NCAM1: variants seen among roughly 807,000 people sequenced by gnomAD.
The protein encoded by NCAM1 is neural cell adhesion molecule 1.
A neutral mutation model predicts 109.8 loss-of-function variants in NCAM1; 14 were observed. The ratio of observed to expected loss-of-function variants is 0.13; its 90% CI spans 0.08 to 0.20. The LOEUF (loss-of-function observed/expected upper bound fraction) is 0.20. Among genes scored for constraint, NCAM1 ranks in the 10% least tolerant of loss-of-function variants. NCAM1 has a pLI of 1.00. For missense variants in NCAM1, 774 were observed against 1,109.9 expected, an observed-to-expected ratio of 0.70 and a Z score of 4.30; for synonymous variants, 418 against 442.9, an observed-to-expected ratio of 0.94 and a Z score of 0.70.
intron 1 of NCAM1, among the ~76,000 whole-genome samples, chr11:112,984,433 A>G (rs1346917966): frequency 6.6e-6 from 1 of 151,864 alleles, no homozygotes; most frequent in Non-Finnish European, 1.5e-5. Flanking sequence ...TCTGGGTCAT[A>G]TAGTAGTTCT....
intron 16 of NCAM1, among the ~76,000 whole-genome samples, chr11:113,257,677 C>A (rs375809071): frequency 2.0e-5 from 3 of 152,176 alleles, no homozygotes; most frequent in Non-Finnish European, 2.9e-5. Flanking sequence ...CCGTAACCAC[C>A]CTCTCTCACT....
chr11:112,993,512 T>G (rs1438225547), intron 1 of NCAM1, among the ~76,000 whole-genome samples: 2 of 152,218 alleles, frequency 1.3e-5, no homozygotes, highest in East Asian at 3.8e-4. Flanking sequence ...AGTTGTCAAC[T>G]GTAGATGATG....
chr11:113,079,626 A>G (rs1158823745), intron 1 of NCAM1, among the ~76,000 whole-genome samples: 1 of 152,222 alleles, frequency 6.6e-6, no homozygotes, highest in Non-Finnish European at 1.5e-5. Context: ...TGTGATATAC[A>G]TTTTTTGGAA....
At chr11:113,195,472 CACA>C (rs1943823964) in intron 1 of NCAM1, among the ~76,000 whole-genome samples, 1 of 149,826 alleles carries the variant, frequency 6.7e-6, no homozygotes, top group African/African-American at 2.5e-5. Context: ...CACACACACA[CACA>C]CAAACACACC....
intron 1 of NCAM1, among the ~76,000 whole-genome samples, chr11:113,075,414 C>T (rs1324341324): frequency 6.6e-6 from 1 of 152,040 alleles, no homozygotes; most frequent in South Asian, 2.1e-4. Context: ...GAGGGGATAA[C>T]GTTTAGCATA....
At chr11:113,158,217 G>A (rs547019593) in intron 1 of NCAM1, among the ~76,000 whole-genome samples, 12 of 152,274 alleles carry the variant, frequency 7.9e-5, no homozygotes, top group African/African-American at 2.9e-4. Context: ...TTCTTCACTT[G>A]AAAGCTTGAA....
chr11:112,995,078 A>G (rs1951558775), intron 1 of NCAM1, among the ~76,000 whole-genome samples: 1 of 152,042 alleles, frequency 6.6e-6, no homozygotes, highest in African/African-American at 2.4e-5. Flanking sequence ...TATATCCTGG[A>G]GCTTGGCACA....
chr11:113,028,391 G>A (rs1952620001), intron 1 of NCAM1, among the ~76,000 whole-genome samples: 1 of 152,034 alleles, frequency 6.6e-6, no homozygotes. Flanking sequence ...TGTATTATTG[G>A]TATCAGAGGA....
intron 1 of NCAM1, among the ~76,000 whole-genome samples, chr11:113,033,757 C>A (rs7127528): frequency 1.3e-5 from 2 of 151,932 alleles, no homozygotes; most frequent in Non-Finnish European, 2.9e-5. Flanking sequence ...GTTGAACTTC[C>A]GCTGTGTTCA....
chr11:113,224,556 G>T (rs545192169), intron 9 of NCAM1, among the ~76,000 whole-genome samples: 1 of 152,328 alleles, frequency 6.6e-6, no homozygotes, highest in East Asian at 1.9e-4. Flanking sequence ...AGACTTAAAT[G>T]TCCCTGTCTG....
chr11:112,982,787 A>T (rs1475534533), intron 1 of NCAM1, among the ~76,000 whole-genome samples: 1 of 151,882 alleles, frequency 6.6e-6, no homozygotes, highest in African/African-American at 2.4e-5. Flanking sequence ...TTAATTTTTT[A>T]AAAAAGGTAA....
At chr11:112,992,599 C>T (rs1172307797) in intron 1 of NCAM1, among the ~76,000 whole-genome samples, 6 of 148,730 alleles carry the variant, frequency 4.0e-5, no homozygotes, top group Non-Finnish European at 5.9e-5. Context: ...CCTCTGGGTT[C>T]GCACCATTCT....
rs1555112844 is a variant in NCAM1, at chr11:113,206,192, C to T, written c.628+12C>T. 4.4e-6 allele frequency: 7 copies of T among 1,599,060 alleles called. No homozygotes were observed. The African/African-American group carries it at 5.4e-5, about 12-fold the overall frequency. On this transcript the variant is annotated intron_variant, in intron 5 of 19. Coordinates refer to ENST00000316851, the MANE Select transcript of NCAM1 (RefSeq NM_181351.5). Reference sequence around the variant, plus strand: ...GGTCATTGTGAATGGTGAGGAGAGTCCGTTCTTCCTGATCTCTGCATTGCT... The same window carrying T: ...GGTCATTGTGAATGGTGAGGAGAGTTCGTTCTTCCTGATCTCTGCATTGCT...
rs561393185 is a variant in NCAM1, at chr11:113,018,470, C to T, written c.52+56806C>T. ...ACCCTTCCCTTGAGATAATATTGTT[C>T]ATGTGTGCGTTCCCCATAGAGCAAC... On this transcript the variant is annotated intron_variant, in intron 1 of 19. Coordinates refer to ENST00000316851, the MANE Select transcript of NCAM1 (RefSeq NM_181351.5). 8.5e-5 allele frequency among the ~76,000 whole-genome samples: 13 copies of T among 152,256 alleles called. No individual in the cohort carries two copies. In the South Asian group the frequency reaches 2.7e-3, roughly 32 times the overall value.
chr11:113,277,726 G>C lies in NCAM1; in HGVS notation c.*2339G>C, dbSNP rs549710346. 5 of 293,070 alleles carry C rather than the reference G, an allele frequency of 1.7e-5. No homozygotes were observed. Among genetic ancestry groups the C allele is most frequent in the Admixed American group, 1.0e-4 (2 of 19,280 alleles). The allele number at this position is 293,070 out of a possible 1,614,324, so 18.2% of individuals were successfully genotyped here. On this transcript the variant is annotated 3_prime_UTR_variant, in exon 20 of 20. Coordinates refer to ENST00000316851, the MANE Select transcript of NCAM1 (RefSeq NM_181351.5). ...GGTCAGCCCTCAGATCACCTGGCCC[G>C]GGACAGCTGACCCCCTAGAACCCTG...
chr11:113,135,994 G>T (rs567246428), intron 1 of NCAM1, among the ~76,000 whole-genome samples: 1 of 152,090 alleles, frequency 6.6e-6, no homozygotes, highest in African/African-American at 2.4e-5. Context: ...ACTTGCTCAG[G>T]ATTTTTATTT....
chr11:113,045,116 T>C (rs1439781449), intron 1 of NCAM1, among the ~76,000 whole-genome samples: 2 of 152,206 alleles, frequency 1.3e-5, no homozygotes, highest in African/African-American at 2.4e-5. Flanking sequence ...ATCCCCAGTT[T>C]TAGTGTATTC....
chr11:113,234,904 A>G, intron 13 of NCAM1, 129 bp from the exon 14 acceptor site: 2 of 1,258,052 alleles, frequency 1.6e-6, no homozygotes, highest in Non-Finnish European at 1.1e-6. Flanking sequence ...GCATATGCCC[A>G]GAAATAGAAT....
chr11:112,999,809 A>C (rs1215845974), intron 1 of NCAM1, among the ~76,000 whole-genome samples: 2 of 152,210 alleles, frequency 1.3e-5, no homozygotes, highest in East Asian at 3.9e-4. Flanking sequence ...TGGGCAATTC[A>C]TAATTGTAGA....
Sources: gnomAD v4.1 joint callset for allele counts (sites outside exome capture counted in the v4.1 genomes callset) on GRCh38, gnomAD v4.1.1 for gene constraint, MANE v1.5 for transcripts, NCBI Gene and HGNC (gene_info 2026-07-23, HGNC 2026-07-21) for gene names.